Variants in BTBD9 observed in about 807,000 individuals in gnomAD.
BTBD9 encodes BTB/POZ domain-containing protein 9.
In BTBD9, 49 loss-of-function variants were observed where a neutral mutation model predicts 64.3. The observed-to-expected ratio is 0.76, with a 90% CI of 0.61 to 0.97. The LOEUF (loss-of-function observed/expected upper bound fraction) is 0.97. Among genes scored for constraint, BTBD9 ranks in the 50% least tolerant of loss-of-function variants. The probability of loss-of-function intolerance (pLI) is 0.00; values close to 1 mark genes in which losing one functional copy is unlikely to be tolerated. For synonymous variants in BTBD9, 260 were observed against 274.7 expected, an observed-to-expected ratio of 0.95 and a Z score of 0.53; for missense variants, 598 against 762.1, an observed-to-expected ratio of 0.78 and a Z score of 2.53.
intron 6 of BTBD9, among the ~76,000 whole-genome samples, chr6:38,475,261 T>C (rs1344903736): frequency 6.6e-6 from 1 of 152,230 alleles, no homozygotes; most frequent in East Asian, 1.9e-4. Flanking sequence ...TCAATCTTTT[T>C]CTATTTTCCA....
chr6:38,386,319 A>G (rs1766167764), intron 6 of BTBD9, among the ~76,000 whole-genome samples: 1 of 152,162 alleles, frequency 6.6e-6, no homozygotes, highest in South Asian at 2.1e-4. Flanking sequence ...AGTAATATAT[A>G]ACAGCATCCA....
At chr6:38,376,956 G>A (rs558846207) in intron 6 of BTBD9, among the ~76,000 whole-genome samples, 1 of 152,126 alleles carries the variant, frequency 6.6e-6, no homozygotes, top group Admixed American at 6.5e-5. Flanking sequence ...CCTCTCCCTG[G>A]CCGGTTATTA....
intron 1 of BTBD9, among the ~76,000 whole-genome samples, chr6:38,631,656 T>C (rs758068780): frequency 6.6e-6 from 1 of 152,140 alleles, no homozygotes; most frequent in Non-Finnish European, 1.5e-5. Flanking sequence ...TCAACAGCCA[T>C]GTGAGTGTAC....
At chr6:38,549,057 C>G (rs183417219) in intron 6 of BTBD9, among the ~76,000 whole-genome samples, 2 of 152,314 alleles carry the variant, frequency 1.3e-5, no homozygotes, top group African/African-American at 4.8e-5. Flanking sequence ...TAAGTGAAGG[C>G]TATCTTCTTA....
chr6:38,454,284 A>C (rs1446269377), intron 6 of BTBD9, among the ~76,000 whole-genome samples: 2 of 152,098 alleles, frequency 1.3e-5, no homozygotes, highest in African/African-American at 2.4e-5. Flanking sequence ...ATATTATTAT[A>C]CACCTTATTA....
intron 6 of BTBD9, among the ~76,000 whole-genome samples, chr6:38,416,912 A>G (rs1767692792): frequency 6.6e-6 from 1 of 151,970 alleles, no homozygotes; most frequent in Non-Finnish European, 1.5e-5. Context: ...GCCTTTGCCC[A>G]AGGACCTCGT....
intron 9 of BTBD9, among the ~76,000 whole-genome samples, chr6:38,226,016 G>C (rs9462414): frequency 0.021 from 3,127 of 152,298 alleles, 106 homozygotes; most frequent in African/African-American, 0.069. Context: ...CTACTTTCCA[G>C]GGTTCCCAAA....
At chr6:38,352,420 A>T (rs143336872) in intron 6 of BTBD9, among the ~76,000 whole-genome samples, 2 of 152,290 alleles carry the variant, frequency 1.3e-5, no homozygotes, top group East Asian at 3.9e-4. Flanking sequence ...GCTAAGCCCC[A>T]TGAGGAATCG....
intron 6 of BTBD9, among the ~76,000 whole-genome samples, chr6:38,494,007 G>T (rs984122658): frequency 6.6e-6 from 1 of 152,134 alleles, no homozygotes; most frequent in African/African-American, 2.4e-5. Flanking sequence ...ACAGCTAAAG[G>T]CTGAATGTTA....
At chr6:38,407,493 A>T (rs1179221266) in intron 6 of BTBD9, among the ~76,000 whole-genome samples, 1 of 152,132 alleles carries the variant, frequency 6.6e-6, no homozygotes, top group Non-Finnish European at 1.5e-5. Flanking sequence ...GAAGCAGACC[A>T]GCCACAGTTC....
At chr6:38,222,919 T>G (rs1050968425) in intron 9 of BTBD9, among the ~76,000 whole-genome samples, 2 of 152,202 alleles carry the variant, frequency 1.3e-5, no homozygotes, top group African/African-American at 4.8e-5. Context: ...ATTTATTTAT[T>G]TTTTAAGATG....
intron 8 of BTBD9, among the ~76,000 whole-genome samples, chr6:38,268,519 G>A (rs1328483279): frequency 6.6e-6 from 1 of 152,198 alleles, no homozygotes; most frequent in African/African-American, 2.4e-5. Context: ...TTCCAGCAGG[G>A]ATGAACGACC....
At chr6:38,264,847 T>C (rs1373835183) in intron 8 of BTBD9, among the ~76,000 whole-genome samples, 1 of 152,022 alleles carries the variant, frequency 6.6e-6, no homozygotes, top group Non-Finnish European at 1.5e-5. Flanking sequence ...ATTCCAGACA[T>C]GAGAACCCCT....
At position 38,172,903 on chromosome 6, in the gene BTBD9, G is replaced by A. The variant is rs369782442; in HGVS notation, c.*2082C>T. The stretch of plus-strand genomic sequence containing the variant: ...TTCCCGGAGCACAGGAGGGCTCTGC[G>A]TGCTCTGTGGGCAGGGGACTGGAGG... On this transcript the variant is annotated 3_prime_UTR_variant, in exon 11 of 11. Coordinates refer to ENST00000481247, the MANE Select transcript of BTBD9 (RefSeq NM_001099272.2). 3 of 152,282 alleles carry A rather than the reference G, an allele frequency of 2.0e-5. No homozygotes were observed. The highest frequency in any genetic ancestry group is 6.5e-5 in the Admixed American group (1 of 15,290). The allele number at this position is 152,282 out of a possible 1,614,324, so 9.4% of individuals were successfully genotyped here. A position where few individuals can be genotyped will look rare whatever the true frequency, so the allele number is the denominator to read the frequency against.
intron 4 of BTBD9, chr6:38,588,467 C>A (rs745950292): frequency 1.2e-6 from 1 of 853,514 alleles, no homozygotes; most frequent in Non-Finnish European, 1.9e-6. Context: ...CCAACTGGGC[C>A]TAATCCTTAT....
intron 1 of BTBD9, among the ~76,000 whole-genome samples, chr6:38,625,629 C>T (rs1319955795): frequency 2.0e-5 from 3 of 152,128 alleles, no homozygotes; most frequent in Non-Finnish European, 4.4e-5. Flanking sequence ...CAAACAAGAA[C>T]ACAATTAGTA....
intron 6 of BTBD9, among the ~76,000 whole-genome samples, chr6:38,485,871 A>G (rs1231137183): frequency 2.0e-5 from 3 of 152,208 alleles, no homozygotes; most frequent in African/African-American, 7.2e-5. Context: ...CAGCTATTAA[A>G]GTCCTGGGTG....
intron 10 of BTBD9, among the ~76,000 whole-genome samples, chr6:38,181,824 C>T (rs776014962): frequency 6.6e-6 from 1 of 152,052 alleles, no homozygotes. Context: ...CTGGTCTCTA[C>T]TAAAAATACA....
At chr6:38,513,392 G>A (rs1772861913) in intron 6 of BTBD9, among the ~76,000 whole-genome samples, 1 of 151,684 alleles carries the variant, frequency 6.6e-6, no homozygotes, top group Admixed American at 6.6e-5. Context: ...AGGTTTCAGT[G>A]AGCCAAGAAC....
Sources: gnomAD v4.1 joint callset for allele counts (sites outside exome capture counted in the v4.1 genomes callset) on GRCh38, gnomAD v4.1.1 for gene constraint, MANE v1.5 for transcripts, NCBI Gene and HGNC (gene_info 2026-07-23, HGNC 2026-07-21) for gene names.